Variants in CSNK2A2IP observed in about 807,000 individuals in gnomAD.
The protein encoded by CSNK2A2IP is casein kinase 2 subunit alpha' interacting protein, also known as casein kinase II subunit alpha'-interacting protein.
chr3:88,449,870 T>TAGAGAGAGAGAGAG, the CSNK2A2IP span, among the ~76,000 whole-genome samples: 4 of 81,704 alleles, frequency 4.9e-5, no homozygotes, highest in East Asian at 3.4e-4. Context: ...TATATATATA[T>TAGAGAGAGAGAGAG]ATATAGAGAG....
At chr3:88,435,918 T>TTTCAGGAA in the CSNK2A2IP span, among the ~76,000 whole-genome samples, 1 of 94,558 alleles carries the variant, frequency 1.1e-5, no homozygotes, top group Non-Finnish European at 2.2e-5. Flanking sequence ...ATTATATATA[T>TTTCAGGAA]AATGCACATT....
At chr3:88,363,555 T>C in the CSNK2A2IP span, among the ~76,000 whole-genome samples, 8 of 152,214 alleles carry the variant, frequency 5.3e-5, no homozygotes, top group African/African-American at 1.4e-4. Context: ...TATCTTTGCT[T>C]TCATGCTTGG....
the CSNK2A2IP span, among the ~76,000 whole-genome samples, chr3:88,456,902 C>T: frequency 6.6e-6 from 1 of 151,990 alleles, no homozygotes. Context: ...GGTCTTTCAG[C>T]TTTTTTCCTT....
chr3:88,413,063 T>A, the CSNK2A2IP span, among the ~76,000 whole-genome samples: 1 of 152,048 alleles, frequency 6.6e-6, no homozygotes, highest in Admixed American at 6.6e-5. Context: ...CTAAGTTTTT[T>A]ATTTTTTCCA....
At chr3:88,457,556 G>T in the CSNK2A2IP span, among the ~76,000 whole-genome samples, 1 of 151,878 alleles carries the variant, frequency 6.6e-6, no homozygotes, top group Non-Finnish European at 1.5e-5. Context: ...AATTAGCTGG[G>T]CATGGTGGCA....
the CSNK2A2IP span, among the ~76,000 whole-genome samples, chr3:88,426,677 C>A: frequency 6.6e-6 from 1 of 152,158 alleles, no homozygotes; most frequent in Middle Eastern, 3.4e-3. Context: ...GACTTTCCCC[C>A]CTTTTGCTCA....
the CSNK2A2IP span, among the ~76,000 whole-genome samples, chr3:88,389,415 G>A: frequency 0.038 from 5,720 of 152,194 alleles, 262 homozygotes; most frequent in African/African-American, 0.11. Context: ...TGATGTGGAT[G>A]GAGAGAAGTG....
the CSNK2A2IP span, among the ~76,000 whole-genome samples, chr3:88,349,724 C>T: frequency 3.9e-5 from 6 of 152,016 alleles, no homozygotes; most frequent in Non-Finnish European, 7.4e-5. Context: ...GTTTTCCATA[C>T]TGGTTTACTA....
the CSNK2A2IP span, among the ~76,000 whole-genome samples, chr3:88,385,958 C>T: frequency 3.9e-5 from 6 of 152,068 alleles, no homozygotes; most frequent in Non-Finnish European, 7.4e-5. Flanking sequence ...AACATGAAGA[C>T]TCTGCAAGTC....
At chr3:88,343,239 C>A in the CSNK2A2IP span, 1 of 152,210 alleles carries the variant, frequency 6.6e-6, no homozygotes, top group East Asian at 1.9e-4. Context: ...CTCAGAGTCG[C>A]CAACAGAACT....
At chr3:88,406,443 C>A in the CSNK2A2IP span, among the ~76,000 whole-genome samples, 1 of 152,154 alleles carries the variant, frequency 6.6e-6, no homozygotes, top group East Asian at 1.9e-4. Context: ...TGAGCTTTTT[C>A]ATTTCGTTTT....
At chr3:88,366,521 C>T in the CSNK2A2IP span, among the ~76,000 whole-genome samples, 2 of 152,046 alleles carry the variant, frequency 1.3e-5, no homozygotes, top group African/African-American at 2.4e-5. Context: ...AAACAGAATA[C>T]TTTATATCCT....
At chr3:88,340,267 G>T in the CSNK2A2IP span, among the ~76,000 whole-genome samples, 1 of 151,766 alleles carries the variant, frequency 6.6e-6, no homozygotes, top group Non-Finnish European at 1.5e-5. Context: ...GATTAAATTG[G>T]TTAAGACACA....
the CSNK2A2IP span, among the ~76,000 whole-genome samples, chr3:88,394,384 T>C: frequency 1.3e-5 from 2 of 152,178 alleles, no homozygotes; most frequent in Non-Finnish European, 2.9e-5. Flanking sequence ...AAAATTTTTG[T>C]TTTTTGAGAT....
chr3:88,360,917 A>T, the CSNK2A2IP span, among the ~76,000 whole-genome samples: 1 of 152,162 alleles, frequency 6.6e-6, no homozygotes, highest in Admixed American at 6.6e-5. Context: ...AACTGATGAC[A>T]ACTTAGATCT....
At chr3:88,390,165 T>G in the CSNK2A2IP span, among the ~76,000 whole-genome samples, 11 of 152,092 alleles carry the variant, frequency 7.2e-5, no homozygotes, top group South Asian at 1.3e-3. Flanking sequence ...TGTGATAAAT[T>G]TGGATAAGGA....
the CSNK2A2IP span, chr3:88,399,666 T>C: frequency 6.6e-6 from 1 of 152,150 alleles, no homozygotes; most frequent in Non-Finnish European, 1.5e-5. Flanking sequence ...TCCTACTTCT[T>C]CCTCCGCAAA....
the CSNK2A2IP span, among the ~76,000 whole-genome samples, chr3:88,358,662 C>T: frequency 6.6e-6 from 1 of 152,036 alleles, no homozygotes; most frequent in East Asian, 1.9e-4. Flanking sequence ...GCATGTTGAA[C>T]CATCCTTGCA....
chr3:88,415,353 A>G, the CSNK2A2IP span, among the ~76,000 whole-genome samples: 1 of 152,078 alleles, frequency 6.6e-6, no homozygotes, highest in African/African-American at 2.4e-5. Flanking sequence ...GAATTATTTG[A>G]GGGTGTCTTC....
Sources: gnomAD v4.1 joint callset for allele counts (sites outside exome capture counted in the v4.1 genomes callset) on GRCh38, gnomAD v4.1.1 for gene constraint, MANE v1.5 for transcripts, NCBI Gene and HGNC (gene_info 2026-07-23, HGNC 2026-07-21) for gene names.